Variants in TMEM132C observed in about 807,000 individuals in gnomAD.
TMEM132C encodes protein phosphatase 1, regulatory subunit 152.
In TMEM132C, 29 loss-of-function variants were observed where a neutral mutation model predicts 61.4. That is an observed-to-expected ratio of 0.47 (90% confidence interval 0.35 to 0.64). TMEM132C has a LOEUF of 0.64. Among genes scored for constraint, TMEM132C ranks in the 30% least tolerant of loss-of-function variants. The pLI is 0.00. For synonymous variants in TMEM132C, 656 were observed against 633.1 expected (o/e 1.04, Z -0.54); for missense variants, 1,408 against 1,476.9 (o/e 0.95, Z 0.76).
At chr12:128,532,640 CAAAAAAAAAAA>C (rs61283555) in intron 2 of TMEM132C, among the ~76,000 whole-genome samples, 1 of 67,172 alleles carries the variant, frequency 1.5e-5, no homozygotes, top group Non-Finnish European at 2.5e-5. Flanking sequence ...GACTCCATCT[CAAAAAAAAAAA>C]AAAAAAAAAA....
At chr12:128,622,396 T>C (rs1174976110) in intron 4 of TMEM132C, among the ~76,000 whole-genome samples, 2 of 121,208 alleles carry the variant, frequency 1.7e-5, no homozygotes, top group Admixed American at 8.8e-5. Context: ...TATATATATA[T>C]ATATAACCAG....
chr12:128,642,797 G>T (rs574429062), intron 4 of TMEM132C, among the ~76,000 whole-genome samples: 1 of 152,184 alleles, frequency 6.6e-6, no homozygotes, highest in Non-Finnish European at 1.5e-5. Flanking sequence ...AAAGAGAAGC[G>T]GAGGCACAGA....
intron 3 of TMEM132C, among the ~76,000 whole-genome samples, chr12:128,559,112 CACAA>C (rs1231295576): frequency 3.3e-5 from 5 of 150,574 alleles, no homozygotes; most frequent in East Asian, 3.9e-4. Context: ...CACACACACA[CACAA>C]ACACACACAC....
At chr12:128,369,574 A>G (rs1161123674) in intron 1 of TMEM132C, among the ~76,000 whole-genome samples, 1 of 152,216 alleles carries the variant, frequency 6.6e-6, no homozygotes, top group Non-Finnish European at 1.5e-5. Context: ...TAACACAGGC[A>G]TTTGGCAGAG....
intron 1 of TMEM132C, among the ~76,000 whole-genome samples, chr12:128,295,401 T>A (rs769618838): frequency 2.0e-4 from 30 of 152,134 alleles, no homozygotes; most frequent in Non-Finnish European, 4.0e-4. Context: ...TCATTCCCTC[T>A]CAGCCTCAGA....
At chr12:128,655,297 A>G (rs1047143374) in intron 4 of TMEM132C, among the ~76,000 whole-genome samples, 1 of 152,138 alleles carries the variant, frequency 6.6e-6, no homozygotes, top group Admixed American at 6.5e-5. Context: ...GCCTGCTTAG[A>G]GGGAAAATTA....
chr12:128,283,334 G>A (rs1048122946), intron 1 of TMEM132C, among the ~76,000 whole-genome samples: 2 of 152,112 alleles, frequency 1.3e-5, no homozygotes, highest in African/African-American at 4.8e-5. Flanking sequence ...CCCAGTTTTG[G>A]AATCAGTTCA....
At chr12:128,318,762 G>A (rs949067575) in intron 1 of TMEM132C, among the ~76,000 whole-genome samples, 2 of 152,164 alleles carry the variant, frequency 1.3e-5, no homozygotes, top group African/African-American at 2.4e-5. Context: ...AAGTGATCAC[G>A]GAGAGATGTG....
chr12:128,551,349 G>A (rs984996448), intron 3 of TMEM132C, among the ~76,000 whole-genome samples: 3 of 152,090 alleles, frequency 2.0e-5, no homozygotes, highest in Non-Finnish European at 2.9e-5. Context: ...AAAGACCAGG[G>A]TTGTTATGGT....
chr12:128,657,648 T>A (rs538598453), intron 4 of TMEM132C, among the ~76,000 whole-genome samples: 3 of 152,316 alleles, frequency 2.0e-5, no homozygotes, highest in Admixed American at 1.3e-4. Context: ...GGTTCCTCTG[T>A]GTCTGCATGT....
intron 3 of TMEM132C, among the ~76,000 whole-genome samples, chr12:128,592,693 G>A (rs757365350): frequency 7.2e-5 from 11 of 152,242 alleles, no homozygotes; most frequent in Non-Finnish European, 1.6e-4. Context: ...GAGGGGACAC[G>A]GGCTTAGGGG....
chr12:128,433,529 G>T (rs532484797), intron 2 of TMEM132C, among the ~76,000 whole-genome samples: 2 of 152,178 alleles, frequency 1.3e-5, no homozygotes, highest in South Asian at 2.1e-4. Flanking sequence ...TTTGGAACTG[G>T]GCAAAAATTT....
intron 4 of TMEM132C, among the ~76,000 whole-genome samples, chr12:128,652,994 A>G (rs574561472): frequency 2.5e-4 from 38 of 152,328 alleles, no homozygotes; most frequent in Non-Finnish European, 3.1e-4. Flanking sequence ...TAGCAGCATT[A>G]CTCGTAATAG....
intron 1 of TMEM132C, among the ~76,000 whole-genome samples, chr12:128,394,548 C>G (rs752766426): frequency 1.3e-5 from 2 of 152,194 alleles, no homozygotes; most frequent in Non-Finnish European, 2.9e-5. Flanking sequence ...TGGGTACTCA[C>G]AAAGGAAAAA....
At chr12:128,274,738 G>A (rs1226289835) in intron 1 of TMEM132C, among the ~76,000 whole-genome samples, 2 of 152,124 alleles carry the variant, frequency 1.3e-5, no homozygotes, top group Non-Finnish European at 1.5e-5. Flanking sequence ...CTATACCTTG[G>A]CTAAACTTTT....
At chr12:128,515,834 CAAA>C (rs199518470) in intron 2 of TMEM132C, among the ~76,000 whole-genome samples, 3 of 111,966 alleles carry the variant, frequency 2.7e-5, no homozygotes, top group African/African-American at 6.6e-5. Flanking sequence ...GACTCCGTCT[CAAA>C]AAAAAAAAAA....
At chr12:128,674,054 A>G (rs995640765) in intron 5 of TMEM132C, among the ~76,000 whole-genome samples, 1 of 152,220 alleles carries the variant, frequency 6.6e-6, no homozygotes, top group African/African-American at 2.4e-5. Flanking sequence ...TTAGTAAATT[A>G]TACTAAGTTT....
intron 3 of TMEM132C, among the ~76,000 whole-genome samples, chr12:128,602,195 G>C (rs1021111479): frequency 6.6e-6 from 1 of 152,308 alleles, no homozygotes; most frequent in South Asian, 2.1e-4. Flanking sequence ...GACAGAGCAA[G>C]ACCGTGTCTC....
chr12:128,388,504 A>G (rs1874660149), intron 1 of TMEM132C, among the ~76,000 whole-genome samples: 1 of 152,220 alleles, frequency 6.6e-6, no homozygotes, highest in Admixed American at 6.5e-5. Flanking sequence ...TGTGTGCAAT[A>G]AACTGTCTGA....
Sources: gnomAD v4.1 joint callset for allele counts (sites outside exome capture counted in the v4.1 genomes callset) on GRCh38, gnomAD v4.1.1 for gene constraint, MANE v1.5 for transcripts, NCBI Gene and HGNC (gene_info 2026-07-23, HGNC 2026-07-21) for gene names.